SNX29: variants seen among roughly 807,000 people sequenced by gnomAD.
SNX29 encodes the protein sorting nexin 29.
In SNX29, 78 loss-of-function variants were observed where a neutral mutation model predicts 102.1. The observed-to-expected ratio is 0.76, with a 90% confidence interval of 0.64 to 0.92. The LOEUF (loss-of-function observed/expected upper bound fraction) is 0.92. Among genes scored for constraint, SNX29 ranks in the 40% least tolerant of loss-of-function variants. The pLI is 0.00. For synonymous variants in SNX29, 580 were observed against 414.5 expected (o/e 1.40, Z -4.85); for missense variants, 1,280 against 1,061.7 (o/e 1.21, Z -2.86).
At chr16:12,449,497 A>C (rs2086209251) in intron 18 of SNX29, among the ~76,000 whole-genome samples, 1 of 152,064 alleles carries the variant, frequency 6.6e-6, no homozygotes, top group Non-Finnish European at 1.5e-5. Context: ...GAAAACCCAA[A>C]CCAAACTGGC....
chr16:12,287,620 A>G (rs995173719), intron 15 of SNX29, among the ~76,000 whole-genome samples: 3 of 152,234 alleles, frequency 2.0e-5, no homozygotes, highest in African/African-American at 7.2e-5. Flanking sequence ...TTTAAAACAG[A>G]AAAAACTCTG....
intron 19 of SNX29, among the ~76,000 whole-genome samples, chr16:12,505,565 T>C (rs2089334400): frequency 6.6e-6 from 1 of 152,158 alleles, no homozygotes; most frequent in African/African-American, 2.4e-5. Context: ...TATGTAGAGA[T>C]AGGAAAATGG....
intron 18 of SNX29, among the ~76,000 whole-genome samples, chr16:12,423,327 T>C (rs2151595678): frequency 6.6e-6 from 1 of 152,092 alleles, no homozygotes. Flanking sequence ...TCACAGACCG[T>C]CTCTACCCAC....
At chr16:12,508,441 G>A (rs1163629428) in intron 19 of SNX29, among the ~76,000 whole-genome samples, 2 of 152,160 alleles carry the variant, frequency 1.3e-5, no homozygotes, top group East Asian at 3.8e-4. Context: ...TCTTTTTTCT[G>A]TTGCTTCTGG....
intron 14 of SNX29, among the ~76,000 whole-genome samples, chr16:12,252,117 C>T (rs1338950117): frequency 6.6e-6 from 1 of 152,180 alleles, no homozygotes; most frequent in Non-Finnish European, 1.5e-5. Context: ...CAGTTTACTC[C>T]CAGAAATCAT....
intron 13 of SNX29, among the ~76,000 whole-genome samples, chr16:12,133,883 C>A (rs777794797): frequency 2.6e-5 from 4 of 152,204 alleles, no homozygotes; most frequent in Non-Finnish European, 4.4e-5. Context: ...GTTTCACTGG[C>A]TCTGAGTTCA....
At chr16:12,149,604 A>T (rs1307358799) in intron 13 of SNX29, among the ~76,000 whole-genome samples, 1 of 152,206 alleles carries the variant, frequency 6.6e-6, no homozygotes, top group Non-Finnish European at 1.5e-5. Flanking sequence ...TGCAGTAAGC[A>T]CTTGCTAGCA....
At chr16:12,029,072 G>A (rs1319935756) in intron 4 of SNX29, among the ~76,000 whole-genome samples, 1 of 151,784 alleles carries the variant, frequency 6.6e-6, no homozygotes, top group African/African-American at 2.4e-5. Context: ...TTTGATACAT[G>A]CCTAGAATGT....
intron 18 of SNX29, among the ~76,000 whole-genome samples, chr16:12,422,720 C>CACTT (rs150940964): frequency 0.019 from 2,876 of 152,274 alleles, 83 homozygotes; most frequent in African/African-American, 0.065. Context: ...GCAAACTACA[C>CACTT]TTTCACACAC....
At chr16:12,532,059 C>T (rs1444731665) in intron 20 of SNX29, among the ~76,000 whole-genome samples, 3 of 152,130 alleles carry the variant, frequency 2.0e-5, no homozygotes. Flanking sequence ...GTCTGGGTCG[C>T]CGTTTACAGG....
chr16:12,101,900 A>C (rs1345309679), intron 11 of SNX29, among the ~76,000 whole-genome samples: 1 of 152,100 alleles, frequency 6.6e-6, no homozygotes, highest in Non-Finnish European at 1.5e-5. Flanking sequence ...ATTTCTCCTA[A>C]TGTTCTCCCT....
intron 19 of SNX29, among the ~76,000 whole-genome samples, chr16:12,503,009 C>T (rs2089198091): frequency 6.6e-6 from 1 of 152,196 alleles, no homozygotes; most frequent in Middle Eastern, 3.2e-3. Context: ...CCTTTTTTCC[C>T]TAATCCCATG....
intron 11 of SNX29, among the ~76,000 whole-genome samples, chr16:12,079,305 T>C (rs986095656): frequency 1.3e-5 from 2 of 152,234 alleles, no homozygotes; most frequent in African/African-American, 4.8e-5. Context: ...ACTTTGCTAA[T>C]GATCAGGCTT....
At chr16:12,326,998 G>T (rs2081140013) in intron 15 of SNX29, among the ~76,000 whole-genome samples, 1 of 152,194 alleles carries the variant, frequency 6.6e-6, no homozygotes, top group Non-Finnish European at 1.5e-5. Flanking sequence ...GGCTGATGAT[G>T]GGGTTGACCG....
At chr16:12,486,022 A>T (rs1173373454) in intron 19 of SNX29, among the ~76,000 whole-genome samples, 4 of 152,200 alleles carry the variant, frequency 2.6e-5, no homozygotes. Flanking sequence ...GAGGCCAGAC[A>T]TTCCATATGA....
intron 3 of SNX29, among the ~76,000 whole-genome samples, chr16:12,018,206 T>C (rs1452953162): frequency 6.6e-6 from 1 of 152,216 alleles, no homozygotes. Flanking sequence ...GTGTTTCTTT[T>C]TATCTGTTTG....
rs1301068451 is a variant in SNX29 at position 12,570,155 on chromosome 16, A to G, written c.*1526A>G. ...AGGAAGGCTGAGATCACTCACACAC[A>G]GCGCCCCCCCACCCCAGAGAAACCG... On this transcript the variant is annotated 3_prime_UTR_variant, in exon 21 of 21. Coordinates refer to ENST00000566228, the MANE Select transcript of SNX29 (RefSeq NM_032167.5). The G allele has an allele frequency of 1.0e-5, 11 of 1,063,632 alleles. No homozygotes were observed. The highest frequency in any genetic ancestry group is 1.3e-5 in the Non-Finnish European group (11 of 878,052). 65.9% of individuals were successfully genotyped at this position (1,063,632 alleles called of 1,614,324 possible).
At chr16:12,349,752 T>C (rs2081941986) in intron 15 of SNX29, among the ~76,000 whole-genome samples, 1 of 152,254 alleles carries the variant, frequency 6.6e-6, no homozygotes. Context: ...TCTTGAATTT[T>C]ATCCAAATGT....
At chr16:12,026,855 A>G (rs146676166) in intron 3 of SNX29, among the ~76,000 whole-genome samples, 22 of 152,326 alleles carry the variant, frequency 1.4e-4, no homozygotes, top group Admixed American at 6.5e-4. Flanking sequence ...AAATTACACA[A>G]TGTTTCCAAT....
Sources: gnomAD v4.1 joint callset for allele counts (sites outside exome capture counted in the v4.1 genomes callset) on GRCh38, gnomAD v4.1.1 for gene constraint, MANE v1.5 for transcripts, NCBI Gene and HGNC (gene_info 2026-07-23, HGNC 2026-07-21) for gene names.